Variants in MCMDC2 observed in about 807,000 individuals in gnomAD.
MCMDC2 encodes minichromosome maintenance domain containing 2, also known as minichromosome maintenance domain-containing protein 2.
A neutral mutation model predicts 75.8 loss-of-function variants in MCMDC2; 54 were observed. The observed-to-expected ratio is 0.71, with a 90% CI of 0.57 to 0.89. The LOEUF (loss-of-function observed/expected upper bound fraction) is 0.89, where lower values mean the gene tolerates loss of function less well. Ranked by LOEUF, MCMDC2 falls within the 40% of genes least tolerant of loss-of-function variation. The probability of loss-of-function intolerance (pLI) is 0.00; values close to 1 mark genes in which losing one functional copy is unlikely to be tolerated. For synonymous variants in MCMDC2, 249 were observed against 274.6 expected, an observed-to-expected ratio of 0.91 and a Z score of 0.92; for missense variants, 656 against 780.4, an observed-to-expected ratio of 0.84 and a Z score of 1.90.
intron 8 of MCMDC2, 51 bp from the exon 9 acceptor site, chr8:66,883,703 ATGT>A: frequency 1.1e-6 from 1 of 933,024 alleles, no homozygotes; most frequent in Non-Finnish European, 1.7e-6. Flanking sequence ...AATATCTATA[ATGT>A]TGTCTTGTTT....
Position 66,874,524 on chromosome 8 carries a change from C to T in MCMDC2, c.226-3C>T. The stretch of plus-strand genomic sequence containing the variant: ...TGGTAACTTTTTTTGTTTGAAATCA[C>T]AGGTCTGTTTTATTGCTGTTAAGAC... On this transcript the variant is annotated splice_region_variant and splice_polypyrimidine_tract_variant and intron_variant, in intron 3 of 14. Coordinates refer to ENST00000422365, the MANE Select transcript of MCMDC2 (RefSeq NM_173518.5). The T allele has an allele frequency of 6.2e-7, 1 of 1,612,996 alleles. No homozygotes were observed. Among genetic ancestry groups the T allele is most frequent in the African/African-American group, 1.3e-5 (1 of 74,952 alleles).
Position 66,878,885 on chromosome 8 carries a change from A to G in MCMDC2, c.675A>G (p.Pro225=). 1.2e-6 allele frequency: 2 copies of G among 1,609,788 alleles called. No homozygotes were observed. Among genetic ancestry groups the G allele is most frequent in the Non-Finnish European group, 1.7e-6 (2 of 1,178,256 alleles). Reference sequence around the variant, plus strand: ...TTCAAGGATATTCTAACAACCAGCCATTTAGGTTTCAATCACTTACAATTT... The same window carrying G: ...TTCAAGGATATTCTAACAACCAGCCGTTTAGGTTTCAATCACTTACAATTT... The part of the protein sequence containing the change: ...RAFQGYSNNQ[P]FRFQSLTIFL... Residue 225 remains proline, a synonymous_variant, in exon 7 of 15, where the codon CCA becomes CCG. Coordinates refer to ENST00000422365, the MANE Select transcript of MCMDC2 (RefSeq NM_173518.5).
chr8:66,909,494 G>C (rs1813024525), intron 14 of MCMDC2, among the ~76,000 whole-genome samples: 1 of 152,122 alleles, frequency 6.6e-6, no homozygotes, highest in South Asian at 2.1e-4. Context: ...TGACCAAAAT[G>C]CTGATAGTGA....
Position 66,874,115 on chromosome 8 carries a change from C to T in MCMDC2, c.-26C>T. On this transcript the variant is annotated 5_prime_UTR_variant, in exon 2 of 15. It introduces an in-frame stop codon into an upstream open reading frame of the 5' UTR. Transcript: ENST00000422365. ...CTTTTATCAACAATTGTGGTTTAAT[C>T]AATTAGAAATATTAACCAGGAGAAA... 1 of 1,526,708 alleles carries T rather than the reference C, an allele frequency of 6.6e-7. No individual in the cohort carries two copies. Among genetic ancestry groups the T allele is most frequent in the Non-Finnish European group, 8.9e-7 (1 of 1,124,902 alleles). The allele number at this position is 1,526,708 out of a possible 1,614,324, so 94.6% of individuals were successfully genotyped here. A position where few individuals can be genotyped will look rare whatever the true frequency, so the allele number is the denominator to read the frequency against.
chr8:66,919,052 G>A lies in MCMDC2; in HGVS notation c.1929G>A (p.Leu643=). ...VAPNAVFPFE[L]YNEEYLEQRD... The stretch of plus-strand genomic sequence containing the variant: ...CGAATGCAGTATTTCCATTTGAACT[G>A]TATAATGAAGAATACTTAGAGCAAA... The change falls in exon 15 of 15, where the codon CTG becomes CTA. Residue 643 remains leucine (L), a synonymous_variant. Coordinates refer to ENST00000422365, the MANE Select transcript of MCMDC2 (RefSeq NM_173518.5). 1 of 1,549,638 alleles carries A rather than the reference G, an allele frequency of 6.5e-7. No individual in the cohort carries two copies. The highest frequency in any genetic ancestry group is 8.7e-7 in the Non-Finnish European group (1 of 1,146,040).
chr8:66,897,526 A>G (rs1812417716), intron 12 of MCMDC2, among the ~76,000 whole-genome samples: 1 of 152,178 alleles, frequency 6.6e-6, no homozygotes, highest in Admixed American at 6.5e-5. Context: ...TTATTTTTGT[A>G]CCATTGTCCA....
chr8:66,874,574 G>T lies in MCMDC2; in HGVS notation c.273G>T (p.Gln91His). The T allele has an allele frequency of 6.2e-7, 1 of 1,612,688 alleles. No homozygotes were observed. Among genetic ancestry groups the T allele is most frequent in the Non-Finnish European group, 8.5e-7 (1 of 1,179,510 alleles). The change falls in exon 4 of 15, where the codon CAG becomes CAT. Residue 91 changes from glutamine to histidine, a missense_variant. Transcript: ENST00000422365. The part of the protein sequence containing the change: ...VKTLSLIGQL[Q>H]TETQINIVLK... ...CTCTCTCATTAATTGGACAATTGCA[G>T]ACTGAAACGCAAGTAAGTTTTAGTT...
Position 66,874,769 on chromosome 8 carries a change from T to C in MCMDC2, c.285+183T>C, listed in dbSNP as rs181883813. On this transcript the variant is annotated intron_variant, in intron 4 of 14. Coordinates refer to ENST00000422365, the MANE Select transcript of MCMDC2 (RefSeq NM_173518.5). ...ATCCTTTATAACATTAAACACTTCT[T>C]TTTTTTTTGAGATGGAGTCTCGCTC... 3.1e-3 allele frequency among the ~76,000 whole-genome samples: 465 copies of C among 151,464 alleles called. 3 individuals are homozygous for C. The highest frequency in any genetic ancestry group is 0.011 in the African/African-American group (453 of 41,380).
At chr8:66,901,787 T>C (rs1812671289) in intron 13 of MCMDC2, 1 of 223,856 alleles carries the variant, frequency 4.5e-6, no homozygotes, top group Non-Finnish European at 7.5e-6. Flanking sequence ...GAAAATTAGC[T>C]AGGCGTGGTG....
chr8:66,879,655 C>G (rs1160955960), intron 7 of MCMDC2, among the ~76,000 whole-genome samples: 1 of 152,176 alleles, frequency 6.6e-6, no homozygotes, highest in Non-Finnish European at 1.5e-5. Context: ...ACTTCTATAG[C>G]TTAAGAATCA....
intron 10 of MCMDC2, 53 bp from the exon 11 acceptor site, chr8:66,896,117 C>T: frequency 2.6e-6 from 4 of 1,515,924 alleles, no homozygotes; most frequent in Non-Finnish European, 2.7e-6. Flanking sequence ...AATTTGTAGA[C>T]ATTTAGACCA....
intron 13 of MCMDC2, chr8:66,901,641 G>T: frequency 2.8e-6 from 3 of 1,069,742 alleles, no homozygotes; most frequent in Non-Finnish European, 3.4e-6. Flanking sequence ...TTTTAAAAAT[G>T]TGGCTGTTGG....
chr8:66,918,864 CT>C, intron 14 of MCMDC2, 138 bp from the exon 15 acceptor site: 1 of 688,742 alleles, frequency 1.5e-6, no homozygotes, highest in Non-Finnish European at 2.2e-6. Context: ...AATTTTTTGA[CT>C]TTTATTTTTC....
At chr8:66,871,772 G>A (rs892461004) in intron 1 of MCMDC2, among the ~76,000 whole-genome samples, 7 of 151,968 alleles carry the variant, frequency 4.6e-5, no homozygotes, top group African/African-American at 1.5e-4. Flanking sequence ...TTATCTGGAT[G>A]TGGTGGCACG....
chr8:66,914,417 CCTCT>C (rs1206252260), intron 14 of MCMDC2, among the ~76,000 whole-genome samples: 1 of 151,954 alleles, frequency 6.6e-6, no homozygotes, highest in African/African-American at 2.4e-5. Flanking sequence ...TTTAGGGAGA[CCTCT>C]CTAAGGAAAT....
At chr8:66,907,187 C>T (rs528247621) in intron 14 of MCMDC2, among the ~76,000 whole-genome samples, 1 of 151,984 alleles carries the variant, frequency 6.6e-6, no homozygotes, top group Non-Finnish European at 1.5e-5. Flanking sequence ...AGGTTTTAAG[C>T]CCCGCATGGT....
chr8:66,872,894 C>T (rs78347277), intron 1 of MCMDC2, among the ~76,000 whole-genome samples: 2,713 of 140,802 alleles, frequency 0.019, 83 homozygotes, highest in African/African-American at 0.067. Context: ...GGGGTGGAGA[C>T]TGGAGTGAGC....
intron 11 of MCMDC2, 85 bp from the exon 12 acceptor site, chr8:66,896,695 T>G: frequency 1.1e-6 from 1 of 945,528 alleles, no homozygotes. Flanking sequence ...TAACAACATA[T>G]AATAATTACT....
At position 66,921,121 on chromosome 8, in the gene MCMDC2, C is replaced by G. The variant is rs935866585; in HGVS notation, c.*1952C>G. On this transcript the variant is annotated 3_prime_UTR_variant, in exon 15 of 15. Transcript: ENST00000422365. ...CTCAGTCTCAAAGATGGTTACTTCACCACAAAAAAATTAAAATGTTTAAGT... is the reference window on the plus strand; with the variant it reads ...CTCAGTCTCAAAGATGGTTACTTCAGCACAAAAAAATTAAAATGTTTAAGT... The G allele has an allele frequency of 3.3e-5, 5 of 152,032 alleles. No individual in the cohort carries two copies. Among genetic ancestry groups the G allele is most frequent in the Non-Finnish European group, 7.3e-5 (5 of 68,030 alleles). The allele number at this position is 152,032 out of a possible 1,614,324, so 9.4% of individuals were successfully genotyped here.
Sources: gnomAD v4.1 joint callset for allele counts (sites outside exome capture counted in the v4.1 genomes callset) on GRCh38, gnomAD v4.1.1 for gene constraint, MANE v1.5 for transcripts, NCBI Gene and HGNC (gene_info 2026-07-23, HGNC 2026-07-21) for gene names.